The following TRPM2 variants were observed in gnomAD, a reference collection of about 807,000 sequenced individuals.
TRPM2 encodes transient receptor potential cation channel subfamily M member 2.
In TRPM2, 161 loss-of-function variants were observed where a neutral mutation model predicts 174.0. The observed-to-expected ratio is 0.93, with a 90% confidence interval of 0.81 to 1.05. TRPM2 has a LOEUF of 1.05. Among genes scored for constraint, TRPM2 ranks in the 50% least tolerant of loss-of-function variants. TRPM2 has a pLI of 0.00. For missense variants in TRPM2, 2,057 were observed against 2,038.0 expected, an observed-to-expected ratio of 1.01 and a Z score of -0.18; for synonymous variants, 954 against 861.3, an observed-to-expected ratio of 1.11 and a Z score of -1.88.
Position 44,358,227 on chromosome 21 carries a change from C to A in TRPM2, c.254+3491C>A, listed in dbSNP as rs191093158. 7.9e-5 allele frequency among the ~76,000 whole-genome samples: 12 copies of A among 152,312 alleles called. No homozygotes were observed. In the East Asian group the frequency reaches 1.2e-3, roughly 15 times the overall value. The stretch of plus-strand genomic sequence containing the variant: ...TCTGCTGTGGCCACCCTGGTCCAGA[C>A]CTTTGTGCTCACATTTTGCCACCAT... On this transcript the variant is annotated intron_variant, in intron 2 of 31. Coordinates refer to ENST00000397928, the MANE Select transcript of TRPM2 (RefSeq NM_003307.4).
intron 5 of TRPM2, among the ~76,000 whole-genome samples, chr21:44,371,610 G>A (rs972652290): frequency 2.0e-5 from 3 of 152,166 alleles, no homozygotes; most frequent in Non-Finnish European, 4.4e-5. Context: ...AAGAACACTC[G>A]TGATGGCGTG....
chr21:44,423,546 C>G (rs1408711354), intron 22 of TRPM2, 99 bp from the exon 23 acceptor site: 6 of 982,582 alleles, frequency 6.1e-6, no homozygotes, highest in Middle Eastern at 2.1e-4. Flanking sequence ...GACACAGGGC[C>G]TTGGTGGCTG....
intron 27 of TRPM2, 69 bp from the exon 28 acceptor site, chr21:44,435,062 C>A: frequency 2.0e-6 from 3 of 1,504,912 alleles, no homozygotes; most frequent in African/African-American, 2.7e-5. Flanking sequence ...CCCTCTCAGT[C>A]CCCCTCCCTG....
At position 44,426,994 on chromosome 21, in the gene TRPM2, TCTC is replaced by T. The variant is rs1396508536; in HGVS notation, c.3873-12_3873-10del. On this transcript the variant is annotated splice_polypyrimidine_tract_variant and intron_variant, in intron 26 of 31. Transcript: ENST00000397928. ...GCAACACGGGCACACAGACACGCCT[TCTC>T]CTCTGCTCCCAGCACCCTGGAGCCA... 5.7e-6 allele frequency: 9 copies of T among 1,577,002 alleles called. No individual in the cohort carries two copies. The highest frequency in any genetic ancestry group is 6.9e-6 in the Non-Finnish European group (8 of 1,162,310).
intron 19 of TRPM2, among the ~76,000 whole-genome samples, chr21:44,409,517 C>T (rs1000448634): frequency 6.6e-6 from 1 of 151,204 alleles, no homozygotes; most frequent in Non-Finnish European, 1.5e-5. Flanking sequence ...TCTTGGTTGG[C>T]GTAGCCTTGT....
At chr21:44,407,087 CTCAA>C (rs1381672766) in intron 19 of TRPM2, among the ~76,000 whole-genome samples, 2 of 147,288 alleles carry the variant, frequency 1.4e-5, no homozygotes, top group Non-Finnish European at 3.0e-5. Context: ...TCCCTCTCAC[CTCAA>C]TCAGAAATAA....
chr21:44,393,438 T>G (rs970438726), intron 11 of TRPM2, among the ~76,000 whole-genome samples: 3 of 152,220 alleles, frequency 2.0e-5, no homozygotes, highest in Non-Finnish European at 4.4e-5. Flanking sequence ...TGGATTCTCT[T>G]GGCAACATTT....
chr21:44,381,282 A>G (rs767773872), intron 8 of TRPM2, among the ~76,000 whole-genome samples: 2 of 151,940 alleles, frequency 1.3e-5, no homozygotes, highest in Non-Finnish European at 1.5e-5. Flanking sequence ...AGTGGGAGCC[A>G]TGGGAAGATG....
At chr21:44,388,640 C>G (rs370457686) in intron 9 of TRPM2, among the ~76,000 whole-genome samples, 134 of 130,952 alleles carry the variant, frequency 1.0e-3, no homozygotes, top group African/African-American at 4.0e-3. Context: ...CATGGAGAAC[C>G]CTGTCACTAC....
rs755742351 is a variant in TRPM2 at position 44,375,786 on chromosome 21, G to T, written c.772-47G>T. The T allele has an allele frequency of 1.9e-6, 3 of 1,573,166 alleles. No individual in the cohort carries two copies. The Admixed American group carries it at 5.2e-5, about 27-fold the overall frequency. On this transcript the variant is annotated intron_variant, in intron 5 of 31. Transcript: ENST00000397928. ...GTGTTCAGCCTGCTCGCGTTAGAGA[G>T]GCAGAGCTTTCCAGAAGCAGTGTCT...
In TRPM2 at chr21:44,354,827, C is replaced by A; in HGVS notation, c.254+91C>A. 8.9e-7 allele frequency: 1 copy of A among 1,124,936 alleles called. No homozygotes were observed. Among genetic ancestry groups the A allele is most frequent in the Non-Finnish European group, 1.4e-6 (1 of 737,414 alleles). 69.7% of individuals were successfully genotyped at this position (1,124,936 alleles called of 1,614,324 possible). On this transcript the variant is annotated intron_variant, in intron 2 of 31. Transcript: ENST00000397928. The surrounding 1 kb of genome is among the most constrained non-coding windows in gnomAD (Gnocchi z 4.3). Reference sequence around the variant, plus strand: ...ATCAGGCCAAGACCCCTCAGGGCCTCAGTGAAGGGTCACTGGAGATACCTC... The same window carrying A: ...ATCAGGCCAAGACCCCTCAGGGCCTAAGTGAAGGGTCACTGGAGATACCTC...
chr21:44,420,055 C>G (rs1256802647), intron 22 of TRPM2, among the ~76,000 whole-genome samples: 1 of 152,040 alleles, frequency 6.6e-6, no homozygotes, highest in Non-Finnish European at 1.5e-5. Context: ...AATGAACTAG[C>G]TGATGTCAAA....
At position 44,399,701 on chromosome 21, in the gene TRPM2, C is replaced by T. The variant is rs965685382; in HGVS notation, c.2208+260C>T. Among the ~76,000 whole-genome samples the T allele has an allele frequency of 1.3e-5, 2 of 152,170 alleles. No individual in the cohort carries two copies. Among genetic ancestry groups the T allele is most frequent in the African/African-American group, 4.8e-5 (2 of 41,444 alleles). The stretch of plus-strand genomic sequence containing the variant: ...TTCACCTCCCCATGGATGTTCCTAC[C>T]TGGGAGCGGCAGGCAGAAGCCCAGG... On this transcript the variant is annotated intron_variant, in intron 14 of 31. Transcript: ENST00000397928. This position sits in a 1 kb window ranked among gnomAD's most constrained non-coding sequence, Gnocchi z 4.6.
At chr21:44,377,285 A>G (rs964761992) in intron 6 of TRPM2, among the ~76,000 whole-genome samples, 1 of 152,214 alleles carries the variant, frequency 6.6e-6, no homozygotes, top group Admixed American at 6.5e-5. Context: ...GACGTGCCGC[A>G]TGCTGCTCGC....
chr21:44,396,139 G>A (rs1367830833), intron 12 of TRPM2, among the ~76,000 whole-genome samples: 1 of 1,792 alleles, frequency 5.6e-4, no homozygotes, highest in African/African-American at 0.012. Flanking sequence ...GGGTGTGGAG[G>A]CTGTGGAGGG....
chr21:44,403,685 A>G (rs968845348), intron 16 of TRPM2, among the ~76,000 whole-genome samples: 1 of 151,632 alleles, frequency 6.6e-6, no homozygotes, highest in Non-Finnish European at 1.5e-5. Context: ...GCATACACAT[A>G]CATGCACACA....
chr21:44,437,518 C>T (rs568201264), intron 29 of TRPM2, among the ~76,000 whole-genome samples: 3 of 152,224 alleles, frequency 2.0e-5, no homozygotes, highest in East Asian at 3.9e-4. Flanking sequence ...GTGTCTCAGA[C>T]ACCAACCAGC....
At position 44,376,507 on chromosome 21, in the gene TRPM2, A is replaced by C. The variant is rs1252473389; in HGVS notation, c.952+494A>C. ...AAGGGATCCTCCCATCACCCTCCCA[A>C]AGTGCTGGGATTACAAGCTTGAACC... On this transcript the variant is annotated intron_variant, in intron 6 of 31. Coordinates refer to ENST00000397928, the MANE Select transcript of TRPM2 (RefSeq NM_003307.4). The surrounding 1 kb of genome is among the most constrained non-coding windows in gnomAD (Gnocchi z 4.2). Among the ~76,000 whole-genome samples, 1 of 152,084 alleles carries C rather than the reference A, an allele frequency of 6.6e-6. No individual in the cohort carries two copies. The highest frequency in any genetic ancestry group is 2.4e-5 in the African/African-American group (1 of 41,402).
In TRPM2 at chr21:44,442,002, G is replaced by T. The variant is rs922946922; in HGVS notation, c.*185G>T. On this transcript the variant is annotated 3_prime_UTR_variant, in exon 32 of 32. Coordinates refer to ENST00000397928, the MANE Select transcript of TRPM2 (RefSeq NM_003307.4). Reference sequence around the variant, plus strand: ...CAGATGACCTCATGAACTGGAAGGGGTCAAGGTGACCCGGGAGGAGAGCTC... The same window carrying T: ...CAGATGACCTCATGAACTGGAAGGGTTCAAGGTGACCCGGGAGGAGAGCTC... 7.4e-5 allele frequency: 67 copies of T among 909,546 alleles called. No homozygotes were observed. In the South Asian group the frequency reaches 1.0e-3, roughly 14 times the overall value. The allele number at this position is 909,546 out of a possible 1,614,324, so 56.3% of individuals were successfully genotyped here.
Sources: gnomAD v4.1 joint callset for allele counts (sites outside exome capture counted in the v4.1 genomes callset) on GRCh38, gnomAD v4.1.1 for gene constraint, Gnocchi (gnomAD v3.1) non-coding constraint, MANE v1.5 for transcripts, NCBI Gene and HGNC (gene_info 2026-07-23, HGNC 2026-07-21) for gene names.